The following RBFOX1 variants were observed in gnomAD, a reference collection of about 807,000 sequenced individuals.
RBFOX1 encodes RNA binding protein fox-1 homolog 1.
A neutral mutation model predicts 57.7 loss-of-function variants in RBFOX1; 8 were observed. The observed-to-expected ratio is 0.14, with a 90% confidence interval of 0.08 to 0.25. The LOEUF (loss-of-function observed/expected upper bound fraction) is 0.25. RBFOX1 is among the 10% of genes least tolerant of loss of function. RBFOX1 has a pLI of 1.00. For missense variants in RBFOX1, 611 were observed against 548.5 expected, an observed-to-expected ratio of 1.11 and a Z score of -1.14; for synonymous variants, 326 against 222.4, an observed-to-expected ratio of 1.47 and a Z score of -4.15.
At chr16:5,687,442 C>T (rs958395569) in intron 3 of RBFOX1, among the ~76,000 whole-genome samples, 1 of 152,190 alleles carries the variant, frequency 6.6e-6, no homozygotes, top group African/African-American at 2.4e-5. Context: ...CTGATATGTA[C>T]ATCTCACAAC....
chr16:6,055,033 G>A (rs2095598027), intron 1 of RBFOX1, among the ~76,000 whole-genome samples: 2 of 152,040 alleles, frequency 1.3e-5, no homozygotes, highest in African/African-American at 2.4e-5. Flanking sequence ...ATTGTCAGGT[G>A]TCCAATGCAG....
At chr16:5,555,338 A>G (rs1320086864) in intron 2 of RBFOX1, among the ~76,000 whole-genome samples, 1 of 151,996 alleles carries the variant, frequency 6.6e-6, no homozygotes, top group African/African-American at 2.4e-5. Flanking sequence ...ACTGCAACCT[A>G]CACCTCCTGG....
chr16:6,958,373 A>G (rs1280007687), intron 3 of RBFOX1, among the ~76,000 whole-genome samples: 1 of 152,140 alleles, frequency 6.6e-6, no homozygotes, highest in African/African-American at 2.4e-5. Context: ...CACCATTAGA[A>G]AAGAGATGGA....
chr16:5,971,446 T>C (rs760507449), intron 4 of RBFOX1, among the ~76,000 whole-genome samples: 2 of 152,158 alleles, frequency 1.3e-5, no homozygotes, highest in African/African-American at 2.4e-5. Context: ...GTAATTTGTT[T>C]TTGTTTTTTT....
At chr16:6,555,341 G>A (rs890399917) in intron 2 of RBFOX1, among the ~76,000 whole-genome samples, 12 of 152,078 alleles carry the variant, frequency 7.9e-5, no homozygotes, top group African/African-American at 2.2e-4. Context: ...ATGGTAATGC[G>A]AAAGCTTGAT....
At chr16:7,217,563 C>T (rs1057030310) in intron 4 of RBFOX1, among the ~76,000 whole-genome samples, 1 of 151,918 alleles carries the variant, frequency 6.6e-6, no homozygotes, top group South Asian at 2.1e-4. Flanking sequence ...TATCTTATCC[C>T]TCAAAAAAGG....
At chr16:5,572,046 C>G (rs1240451674) in intron 2 of RBFOX1, among the ~76,000 whole-genome samples, 1 of 152,106 alleles carries the variant, frequency 6.6e-6, no homozygotes, top group Non-Finnish European at 1.5e-5. Context: ...ACAAGAAGCC[C>G]TCCTGACATA....
At chr16:6,201,330 T>C (rs2097213805) in intron 1 of RBFOX1, among the ~76,000 whole-genome samples, 1 of 152,170 alleles carries the variant, frequency 6.6e-6, no homozygotes, top group Non-Finnish European at 1.5e-5. Flanking sequence ...AGCAGAAGGA[T>C]TGCTGGATCA....
At chr16:6,876,641 A>T (rs541286296) in intron 3 of RBFOX1, among the ~76,000 whole-genome samples, 2 of 151,778 alleles carry the variant, frequency 1.3e-5, no homozygotes, top group South Asian at 4.2e-4. Flanking sequence ...TTTTTTTTCT[A>T]AGAGTACATT....
At chr16:6,838,820 A>T (rs1292135297) in intron 3 of RBFOX1, among the ~76,000 whole-genome samples, 1 of 152,162 alleles carries the variant, frequency 6.6e-6, no homozygotes, top group East Asian at 1.9e-4. Context: ...CTCCATTCTC[A>T]GCTTTCTCAG....
chr16:6,518,785 G>GTCTA (rs1192544805), intron 2 of RBFOX1, among the ~76,000 whole-genome samples: 2 of 75,846 alleles, frequency 2.6e-5, no homozygotes, highest in African/African-American at 8.6e-5. Context: ...CTGTCTGTCT[G>GTCTA]TCTGTGTGTC....
intron 1 of RBFOX1, among the ~76,000 whole-genome samples, chr16:6,167,758 G>A (rs2096928421): frequency 6.6e-6 from 1 of 152,110 alleles, no homozygotes; most frequent in Non-Finnish European, 1.5e-5. Flanking sequence ...TGTGGTCCTG[G>A]GGCCTCAGAG....
rs148885152 is a variant in RBFOX1 at position 7,651,095 on chromosome 16, G to A, written c.758-2720G>A. Reference sequence around the variant, plus strand: ...AAAAAAGTTAAAAATAACCTTTATGGTCTTCTCAGATACAAATAGAAAGAC... The same window carrying A: ...AAAAAAGTTAAAAATAACCTTTATGATCTTCTCAGATACAAATAGAAAGAC... On this transcript the variant is annotated intron_variant, in intron 11 of 15. Coordinates refer to ENST00000550418, the MANE Select transcript of RBFOX1 (RefSeq NM_018723.4). Among the ~76,000 whole-genome samples the A allele has an allele frequency of 4.3e-3, 652 of 152,252 alleles. 6 individuals are homozygous for A. Among genetic ancestry groups the A allele is most frequent in the African/African-American group, 0.015 (623 of 41,544 alleles).
chr16:6,193,186 C>G (rs1301532557), intron 1 of RBFOX1, among the ~76,000 whole-genome samples: 3 of 151,288 alleles, frequency 2.0e-5, no homozygotes, highest in African/African-American at 2.4e-5. Flanking sequence ...CTTTGAAAAC[C>G]TCATCCAAGG....
chr16:5,670,117 GTGTC>G (rs1330470854), intron 3 of RBFOX1, among the ~76,000 whole-genome samples: 2 of 152,018 alleles, frequency 1.3e-5, no homozygotes, highest in East Asian at 3.9e-4. Context: ...TTTACCTGAA[GTGTC>G]TAGAGCAGCC....
chr16:5,358,167 G>A (rs1378446358), intron 1 of RBFOX1, among the ~76,000 whole-genome samples: 1 of 151,976 alleles, frequency 6.6e-6, no homozygotes, highest in Non-Finnish European at 1.5e-5. Context: ...TTGGCTTGCC[G>A]TTCCTTGGGT....
intron 2 of RBFOX1, among the ~76,000 whole-genome samples, chr16:6,319,088 A>G (rs1332961193): frequency 1.3e-5 from 2 of 152,050 alleles, no homozygotes; most frequent in African/African-American, 2.4e-5. Flanking sequence ...CTTCACCCAT[A>G]ACATGTTGGA....
chr16:7,006,031 G>A lies in RBFOX1; in HGVS notation c.-15-46026G>A, dbSNP rs573789432. On this transcript the variant is annotated intron_variant, in intron 3 of 15. Transcript: ENST00000550418. The stretch of plus-strand genomic sequence containing the variant: ...GGACAGCATCTTACTGAGATACTCC[G>A]TGGTTCCTCATGGTATATGTTCTCC... Among the ~76,000 whole-genome samples, 17 of 152,268 alleles carry A rather than the reference G, an allele frequency of 1.1e-4. No homozygotes were observed. In the East Asian group the frequency reaches 1.2e-3, roughly 10 times the overall value.
At chr16:5,361,532 C>T (rs1297926652) in intron 1 of RBFOX1, among the ~76,000 whole-genome samples, 1 of 152,090 alleles carries the variant, frequency 6.6e-6, no homozygotes, top group African/African-American at 2.4e-5. Flanking sequence ...TTACAGGCCC[C>T]AGTAAGATAT....
Sources: allele counts gnomAD v4.1 joint callset (sites outside exome capture counted in the v4.1 genomes callset), GRCh38; gene constraint gnomAD v4.1.1; transcripts MANE v1.5; gene names NCBI Gene and HGNC (gene_info 2026-07-23, HGNC 2026-07-21).